FREM3: variants seen among roughly 807,000 people sequenced by gnomAD.
FREM3 encodes the protein FRAS1 related extracellular matrix 3.
In FREM3, 105 loss-of-function variants were observed where a neutral mutation model predicts 129.1. The ratio of observed to expected loss-of-function variants is 0.81; its 90% confidence interval spans 0.69 to 0.96. FREM3 has a LOEUF of 0.96. FREM3 is among the 40% of genes least tolerant of loss of function. The pLI, the probability that FREM3 is intolerant of heterozygous loss-of-function variation, is 0.00. For synonymous variants in FREM3, 1,014 were observed against 1,044.9 expected (o/e 0.97, Z 0.57); for missense variants, 2,593 against 2,666.3 (o/e 0.97, Z 0.61).
At chr4:143,653,686 C>G (rs1739549764) in intron 2 of FREM3, among the ~76,000 whole-genome samples, 1 of 152,222 alleles carries the variant, frequency 6.6e-6, no homozygotes, top group Non-Finnish European at 1.5e-5. Flanking sequence ...CTTATCTTAA[C>G]ATTTTGACCC....
intron 6 of FREM3, among the ~76,000 whole-genome samples, chr4:143,598,735 GT>G (rs891507529): frequency 3.9e-5 from 6 of 152,086 alleles, no homozygotes; most frequent in African/African-American, 1.4e-4. Context: ...TCATAATACT[GT>G]ATTTTTATTA....
chr4:143,625,994 T>G (rs1236148893), intron 3 of FREM3, among the ~76,000 whole-genome samples: 1 of 151,790 alleles, frequency 6.6e-6, no homozygotes, highest in African/African-American at 2.4e-5. Context: ...CAAAAAAGAG[T>G]AAGTGACAGA....
intron 2 of FREM3, among the ~76,000 whole-genome samples, chr4:143,669,898 T>C (rs1268366779): frequency 6.6e-6 from 1 of 152,164 alleles, no homozygotes; most frequent in Non-Finnish European, 1.5e-5. Context: ...TAGTACCCAA[T>C]AGGAAGTTTT....
At position 143,665,435 on chromosome 4, in the gene FREM3, C is replaced by T. The variant is rs376514284; in HGVS notation, c.5275+27678G>A. 7.9e-5 allele frequency among the ~76,000 whole-genome samples: 12 copies of T among 152,158 alleles called. No individual in the cohort carries two copies. In the East Asian group the frequency reaches 2.3e-3, roughly 29 times the overall value. On this transcript the variant is annotated intron_variant, in intron 2 of 7. Coordinates refer to ENST00000329798, the MANE Select transcript of FREM3 (RefSeq NM_001168235.2). The stretch of plus-strand genomic sequence containing the variant: ...CTTTTTCTGTGTCATATCCCAGTTG[C>T]CTAGCATATAGGAGGTACTTAATAA...
intron 6 of FREM3, among the ~76,000 whole-genome samples, chr4:143,602,947 G>A (rs1446314146): frequency 6.6e-6 from 1 of 152,180 alleles, no homozygotes; most frequent in Non-Finnish European, 1.5e-5. Flanking sequence ...TTTTGCCCAG[G>A]ATGGAGATGG....
At chr4:143,663,580 G>A (rs899321152) in intron 2 of FREM3, among the ~76,000 whole-genome samples, 5 of 152,034 alleles carry the variant, frequency 3.3e-5, no homozygotes, top group African/African-American at 4.8e-5. Flanking sequence ...TGCTCTTCTC[G>A]AGGCGTATCT....
At chr4:143,664,798 G>T (rs544065405) in intron 2 of FREM3, among the ~76,000 whole-genome samples, 2 of 152,236 alleles carry the variant, frequency 1.3e-5, no homozygotes, top group South Asian at 4.2e-4. Context: ...AATGGCGGGC[G>T]CCCCTCCCCC....
At chr4:143,684,964 T>A (rs1450443781) in intron 2 of FREM3, among the ~76,000 whole-genome samples, 2 of 150,728 alleles carry the variant, frequency 1.3e-5, no homozygotes, top group East Asian at 4.0e-4. Context: ...GAAAAAAGAA[T>A]AAGAAAATAT....
Position 143,585,958 on chromosome 4 carries a change from C to T in FREM3, c.6064G>A (p.Val2022Ile), listed in dbSNP as rs755201820. ...TCCACGTAGCGAGCACTTTCATTGA[C>T]GTGATATTCAGCATCCCCAAAGTGC... Reference protein sequence around the residue: ...VLHFGDAEYHVNESARYVEVC... With the variant: ...VLHFGDAEYHINESARYVEVC... Residue 2022 changes from valine (V) to isoleucine (I), a missense_variant, in exon 7 of 8, where the codon GTC (valine) becomes ATC (isoleucine). This residue lies in a region of FREM3 where 317 missense variants were observed against 399.0 expected (regional missense o/e 0.79). Transcript: ENST00000329798. This position sits in a 1 kb window ranked among gnomAD's most constrained non-coding sequence, Gnocchi z 4.2. 21 of 1,537,504 alleles carry T rather than the reference C, an allele frequency of 1.4e-5. No individual in the cohort carries two copies. Among genetic ancestry groups the T allele is most frequent in the Middle Eastern group, 1.7e-4 (1 of 6,014 alleles).
intron 2 of FREM3, among the ~76,000 whole-genome samples, chr4:143,651,449 C>G (rs1739508046): frequency 1.3e-5 from 2 of 152,178 alleles, no homozygotes; most frequent in African/African-American, 4.8e-5. Context: ...TAAGATGGTT[C>G]AGAGTTTCAC....
chr4:143,606,433 A>G (rs1319178629), intron 6 of FREM3, among the ~76,000 whole-genome samples: 3 of 151,788 alleles, frequency 2.0e-5, no homozygotes, highest in Admixed American at 6.6e-5. Flanking sequence ...CAATGGGGTT[A>G]AACTTTGGTG....
intron 6 of FREM3, among the ~76,000 whole-genome samples, chr4:143,599,742 A>G (rs1329077937): frequency 3.3e-5 from 5 of 152,196 alleles, no homozygotes; most frequent in Non-Finnish European, 7.3e-5. Flanking sequence ...GGAAAAATAG[A>G]GGATGAGGGA....
intron 2 of FREM3, among the ~76,000 whole-genome samples, chr4:143,655,014 A>G (rs1739575355): frequency 6.6e-6 from 1 of 152,186 alleles, no homozygotes; most frequent in Non-Finnish European, 1.5e-5. Flanking sequence ...TGTTCCCTCC[A>G]TCCTCCATTT....
intron 7 of FREM3, among the ~76,000 whole-genome samples, chr4:143,581,523 T>C (rs1445636416): frequency 6.6e-6 from 1 of 151,942 alleles, no homozygotes; most frequent in Non-Finnish European, 1.5e-5. Context: ...CCACTGGTAG[T>C]GGCTCTGTGT....
chr4:143,676,052 T>G (rs1281189484), intron 2 of FREM3, among the ~76,000 whole-genome samples: 1 of 152,202 alleles, frequency 6.6e-6, no homozygotes, highest in Non-Finnish European at 1.5e-5. Context: ...GAAGCCAGCA[T>G]TATCCTGATA....
At chr4:143,630,099 A>T (rs1439113698) in intron 2 of FREM3, among the ~76,000 whole-genome samples, 2 of 152,158 alleles carry the variant, frequency 1.3e-5, no homozygotes, top group Non-Finnish European at 2.9e-5. Context: ...GCCACTTATG[A>T]GCCATTTGAT....
At chr4:143,603,031 G>T (rs1395672811) in intron 6 of FREM3, among the ~76,000 whole-genome samples, 1 of 152,152 alleles carries the variant, frequency 6.6e-6, no homozygotes, top group Non-Finnish European at 1.5e-5. Context: ...TTGCCCAGTA[G>T]AGCCTCCTTT....
intron 2 of FREM3, chr4:143,644,950 T>C (rs1739389830): frequency 6.6e-6 from 1 of 152,200 alleles, no homozygotes; most frequent in Admixed American, 6.5e-5. Flanking sequence ...AAAATTATTA[T>C]TACCATAATT....
intron 2 of FREM3, among the ~76,000 whole-genome samples, chr4:143,670,860 G>C (rs771703598): frequency 2.6e-5 from 4 of 151,708 alleles, no homozygotes; most frequent in Non-Finnish European, 5.9e-5. Context: ...TTTATACATG[G>C]AATCACATGA....
Sources: allele counts gnomAD v4.1 joint callset (sites outside exome capture counted in the v4.1 genomes callset), GRCh38; gene constraint gnomAD v4.1.1; regional missense constraint gnomAD v4.1.1; non-coding constraint Gnocchi (gnomAD v3.1); transcripts MANE v1.5; gene names NCBI Gene and HGNC (gene_info 2026-07-23, HGNC 2026-07-21).